The following PLEKHG3 variants were observed in gnomAD, a reference collection of about 807,000 sequenced individuals.
The protein encoded by PLEKHG3 is pleckstrin homology and RhoGEF domain containing G3.
PLEKHG3 carries 62 observed loss-of-function variants against 94.9 expected under a neutral mutation model. The ratio of observed to expected loss-of-function variants is 0.65; its 90% CI spans 0.53 to 0.81. The LOEUF is 0.81. PLEKHG3 is among the 30% of genes least tolerant of loss of function. The probability of loss-of-function intolerance (pLI) is 0.00; values close to 1 mark genes in which losing one functional copy is unlikely to be tolerated. For missense variants in PLEKHG3, 1,461 were observed against 1,619.3 expected (o/e 0.90, Z 1.68); for synonymous variants, 614 against 654.0 (o/e 0.94, Z 0.93).
chr14:64,719,183 G>A (rs1249533202), intron 1 of PLEKHG3, among the ~76,000 whole-genome samples: 1 of 152,178 alleles, frequency 6.6e-6, no homozygotes, highest in Non-Finnish European at 1.5e-5. Flanking sequence ...ATAAACACAC[G>A]GGTGGTGGGG....
In PLEKHG3 at chr14:64,715,128, G is replaced by A. The variant is rs11625500; in HGVS notation, c.-40+10424G>A. Among the ~76,000 whole-genome samples, 1 of 152,138 alleles carries A rather than the reference G, an allele frequency of 6.6e-6. No homozygotes were observed. The highest frequency in any genetic ancestry group is 1.5e-5 in the Non-Finnish European group (1 of 68,024). ...GTACTGTTTTTGGAGGCATCTACAG[G>A]TGAGTTATGAATTCCCAGGTGACTC... is the stretch of plus-strand genomic sequence containing the variant. On this transcript the variant is annotated intron_variant, in intron 1 of 16. Transcript: ENST00000247226. The surrounding 1 kb of genome is among the most constrained non-coding windows in gnomAD (Gnocchi z 4.4).
chr14:64,731,305 G>T lies in PLEKHG3; in HGVS notation c.850-56G>T, dbSNP rs1354461431. 1 of 1,520,136 alleles carries T rather than the reference G, an allele frequency of 6.6e-7. No individual in the cohort carries two copies. Among genetic ancestry groups the T allele is most frequent in the African/African-American group, 1.4e-5 (1 of 72,844 alleles). The allele number at this position is 1,520,136 out of a possible 1,614,324, so 94.2% of individuals were successfully genotyped here. A position where few individuals can be genotyped will look rare whatever the true frequency, so the allele number is the denominator to read the frequency against. Reference sequence around the variant, plus strand: ...GGGAGCCTTTGTGGCAGGGTTTGCAGAGCCTCCTAAGGCCCCAGTGGCCTG... The same window carrying T: ...GGGAGCCTTTGTGGCAGGGTTTGCATAGCCTCCTAAGGCCCCAGTGGCCTG... On this transcript the variant is annotated intron_variant, in intron 7 of 16. Coordinates refer to ENST00000247226, the MANE Select transcript of PLEKHG3 (RefSeq NM_001308147.2). This position sits in a 1 kb window ranked among gnomAD's most constrained non-coding sequence, Gnocchi z 6.1.
Position 64,741,872 on chromosome 14 carries a change from C to T in PLEKHG3, c.2355C>T (p.Ala785=), listed in dbSNP as rs2081703593. 1.9e-6 allele frequency: 3 copies of T among 1,612,822 alleles called. No individual in the cohort carries two copies. The highest frequency in any genetic ancestry group is 2.5e-6 in the Non-Finnish European group (3 of 1,179,642). The change falls in exon 16 of 17, where the codon GCC becomes GCT. Residue 785 remains alanine (A), a synonymous_variant. Transcript: ENST00000247226. ...RQVGSRPTSW[A]LFELPGPSQA... ...TGGGCTCCCGGCCGACTTCGTGGGC[C>T]CTGTTTGAGCTCCCAGGACCAAGCC... is the stretch of plus-strand genomic sequence containing the variant.
rs1307849466 is a variant in PLEKHG3 at position 64,716,637 on chromosome 14, C to A, written c.-39-10956C>A. On this transcript the variant is annotated intron_variant, in intron 1 of 16. Coordinates refer to ENST00000247226, the MANE Select transcript of PLEKHG3 (RefSeq NM_001308147.2). The surrounding 1 kb of genome is among the most constrained non-coding windows in gnomAD (Gnocchi z 5.0). Reference sequence around the variant, plus strand: ...GGTTGTTTTGGATCAAACCAAGCGTCAGCTGGTAGAGCAGTTGAAAGGAGG... The same window carrying A: ...GGTTGTTTTGGATCAAACCAAGCGTAAGCTGGTAGAGCAGTTGAAAGGAGG... 6.6e-6 allele frequency among the ~76,000 whole-genome samples: 1 copy of A among 151,990 alleles called. No homozygotes were observed. The highest frequency in any genetic ancestry group is 2.4e-5 in the African/African-American group (1 of 41,370).
At chr14:64,733,452 G>T (rs1247631748) in intron 12 of PLEKHG3, among the ~76,000 whole-genome samples, 2 of 152,116 alleles carry the variant, frequency 1.3e-5, no homozygotes, top group African/African-American at 4.8e-5. Flanking sequence ...ATAGGTGTGA[G>T]CCACTGTACC....
At chr14:64,714,449 T>G (rs1250667849) in intron 1 of PLEKHG3, among the ~76,000 whole-genome samples, 1 of 152,234 alleles carries the variant, frequency 6.6e-6, no homozygotes, top group Admixed American at 6.5e-5. Flanking sequence ...GTATTCTGTT[T>G]TCCCTCCTCT....
intron 12 of PLEKHG3, among the ~76,000 whole-genome samples, chr14:64,734,136 T>G (rs2081526415): frequency 6.6e-6 from 1 of 152,218 alleles, no homozygotes; most frequent in African/African-American, 2.4e-5. Flanking sequence ...AGAAGGCTTT[T>G]GTGGTTTTAT....
chr14:64,727,015 C>A lies in PLEKHG3; in HGVS notation c.-39-578C>A, dbSNP rs1339048197. On this transcript the variant is annotated intron_variant, in intron 1 of 16. Coordinates refer to ENST00000247226, the MANE Select transcript of PLEKHG3 (RefSeq NM_001308147.2). This position sits in a 1 kb window ranked among gnomAD's most constrained non-coding sequence, Gnocchi z 6.0. ...TTGGGAAGTTCTTCTTCACAACTGCCATTATTATCACCATATTGATGGTGT... is the reference window on the plus strand; with the variant it reads ...TTGGGAAGTTCTTCTTCACAACTGCAATTATTATCACCATATTGATGGTGT... Among the ~76,000 whole-genome samples, 1 of 152,158 alleles carries A rather than the reference C, an allele frequency of 6.6e-6. No individual in the cohort carries two copies. Among genetic ancestry groups the A allele is most frequent in the South Asian group, 2.1e-4 (1 of 4,830 alleles).
rs2081283785 is a variant in PLEKHG3 at position 64,722,696 on chromosome 14, A to G, written c.-39-4897A>G. On this transcript the variant is annotated intron_variant, in intron 1 of 16. Coordinates refer to ENST00000247226, the MANE Select transcript of PLEKHG3 (RefSeq NM_001308147.2). This position sits in a 1 kb window ranked among gnomAD's most constrained non-coding sequence, Gnocchi z 4.3. ...GTGAAGGGCAGTGGATGAAATGACGACATCAGCCTCTGAACCAGAATGTTT... is the reference window on the plus strand; with the variant it reads ...GTGAAGGGCAGTGGATGAAATGACGGCATCAGCCTCTGAACCAGAATGTTT... 6.6e-6 allele frequency among the ~76,000 whole-genome samples: 1 copy of G among 152,144 alleles called. No individual in the cohort carries two copies.
Position 64,742,295 on chromosome 14 carries a change from C to G in PLEKHG3, c.2778C>G (p.Val926=). ...TGAGCGAGCGCGTCAAGAACAAGGT[C>G]TACCAGCTGGCCCGCCAGTACAGCC... is the stretch of plus-strand genomic sequence containing the variant. The part of the protein sequence containing the change: ...SHVSERVKNK[V]YQLARQYSLR... The change falls in exon 16 of 17, where the codon GTC becomes GTG. Residue 926 remains valine (V), a synonymous_variant. Coordinates refer to ENST00000247226, the MANE Select transcript of PLEKHG3 (RefSeq NM_001308147.2). 2.5e-6 allele frequency: 4 copies of G among 1,612,872 alleles called. No individual in the cohort carries two copies. Among genetic ancestry groups the G allele is most frequent in the Non-Finnish European group, 3.4e-6 (4 of 1,180,036 alleles).
chr14:64,722,265 A>T lies in PLEKHG3; in HGVS notation c.-39-5328A>T, dbSNP rs2081275265. On this transcript the variant is annotated intron_variant, in intron 1 of 16. Transcript: ENST00000247226. The surrounding 1 kb of genome is among the most constrained non-coding windows in gnomAD (Gnocchi z 4.3). ...GTTTCGCTCTCATTGCCTAGGCTGG[A>T]GTGCAGTGGTGCGATCTCAGCTCAC... Among the ~76,000 whole-genome samples, 1 of 152,052 alleles carries T rather than the reference A, an allele frequency of 6.6e-6. No individual in the cohort carries two copies. The highest frequency in any genetic ancestry group is 2.1e-4 in the South Asian group (1 of 4,818).
chr14:64,736,692 G>A (rs552623359), intron 12 of PLEKHG3, among the ~76,000 whole-genome samples, 161 bp from the exon 13 acceptor site: 4 of 152,308 alleles, frequency 2.6e-5, no homozygotes, highest in South Asian at 2.1e-4. Flanking sequence ...GGGGCTCGCC[G>A]ACACTGTGGA....
chr14:64,727,872 C>T lies in PLEKHG3; in HGVS notation c.241C>T (p.Arg81Trp), dbSNP rs770616036. The change falls in exon 2 of 17, where the codon CGG becomes TGG. Residue 81 changes from arginine (R) to tryptophan (W), a missense_variant. Around this residue, in one of 3 missense-constraint regions of PLEKHG3, gnomAD observed 253 missense variants for 297.8 expected, o/e 0.85. Coordinates refer to ENST00000247226, the MANE Select transcript of PLEKHG3 (RefSeq NM_001308147.2). The surrounding 1 kb of genome is among the most constrained non-coding windows in gnomAD (Gnocchi z 6.0). The part of the protein sequence containing the change: ...VKGPLSPFNS[R>W]AAAGPAHHKL... Reference sequence around the variant, plus strand: ...GGGGCCCCTCTCCCCGTTCAACAGCCGGGCAGCGGCAGGGCCTGCACACCA... The same window carrying T: ...GGGGCCCCTCTCCCCGTTCAACAGCTGGGCAGCGGCAGGGCCTGCACACCA... 47 of 1,613,194 alleles carry T rather than the reference C, an allele frequency of 2.9e-5. No homozygotes were observed. The highest frequency in any genetic ancestry group is 3.3e-4 in the Middle Eastern group (2 of 6,080).
chr14:64,730,333 G>A lies in PLEKHG3; in HGVS notation c.519+21G>A. ...AAAGGGTAAGAAGGGCTGGGTCCTT[G>A]CCTCTGTCCTACCTTGCTGAGAGCT... On this transcript the variant is annotated intron_variant, in intron 4 of 16. Transcript: ENST00000247226. The surrounding 1 kb of genome is among the most constrained non-coding windows in gnomAD (Gnocchi z 5.4). 1 of 1,478,520 alleles carries A rather than the reference G, an allele frequency of 6.8e-7. No homozygotes were observed. The highest frequency in any genetic ancestry group is 1.4e-5 in the African/African-American group (1 of 72,006). 91.6% of individuals were successfully genotyped at this position (1,478,520 alleles called of 1,614,324 possible).
rs903525468 is a variant in PLEKHG3 at position 64,721,364 on chromosome 14, G to A, written c.-39-6229G>A. On this transcript the variant is annotated intron_variant, in intron 1 of 16. Transcript: ENST00000247226. The surrounding 1 kb of genome is among the most constrained non-coding windows in gnomAD (Gnocchi z 4.3). ...TTTCCTTTCCTTCCAAGGTCAGGCC[G>A]AGGGAACTTTCTGGACTTCAGTTGC... Among the ~76,000 whole-genome samples the A allele has an allele frequency of 2.6e-5, 4 of 152,138 alleles. No individual in the cohort carries two copies. The highest frequency in any genetic ancestry group is 2.1e-4 in the South Asian group (1 of 4,822).
intron 3 of PLEKHG3, 43 bp downstream of exon 3, chr14:64,729,136 G>C: frequency 2.2e-6 from 2 of 904,580 alleles, no homozygotes; most frequent in Non-Finnish European, 1.7e-6. Context: ...TGCCTGCGAG[G>C]CCCACCTCAG....
rs1423602910 is a variant in PLEKHG3, at chr14:64,739,337, T to TG, written c.1518+483dup. ...TAGAAGGAAAAGGGCACTGAGTGGT[T>TG]GATGGCGTGCCTAACACTGAGCAGC... On this transcript the variant is annotated intron_variant, in intron 15 of 16. Transcript: ENST00000247226. The surrounding 1 kb of genome is among the most constrained non-coding windows in gnomAD (Gnocchi z 4.1). Among the ~76,000 whole-genome samples, 1 of 152,212 alleles carries TG rather than the reference T, an allele frequency of 6.6e-6. No homozygotes were observed. Among genetic ancestry groups the TG allele is most frequent in the Non-Finnish European group, 1.5e-5 (1 of 68,036 alleles).
chr14:64,749,741 G>C lies in PLEKHG3; in HGVS notation c.*6038G>C. ...CCTGTCATGGAGACACCTCTGGAGG[G>C]GGCGCTGGGCAGAGGGCTGGCTCTG... On this transcript the variant is annotated 3_prime_UTR_variant, in exon 17 of 17. Transcript: ENST00000247226. This position sits in a 1 kb window ranked among gnomAD's most constrained non-coding sequence, Gnocchi z 4.7. The C allele has an allele frequency of 6.2e-7, 1 of 1,605,368 alleles. No individual in the cohort carries two copies. The highest frequency in any genetic ancestry group is 1.1e-5 in the South Asian group (1 of 90,014).
rs1188313695 is a variant in PLEKHG3, at chr14:64,720,613, A to G, written c.-39-6980A>G. On this transcript the variant is annotated intron_variant, in intron 1 of 16. Transcript: ENST00000247226. The surrounding 1 kb of genome is among the most constrained non-coding windows in gnomAD (Gnocchi z 4.1). ...TCCAGAAGAGATGCATGTACATATC[A>G]AGCCCCAAGACCAATGCTTTAAGTG... Among the ~76,000 whole-genome samples the G allele has an allele frequency of 6.6e-6, 1 of 152,234 alleles. No homozygotes were observed. The highest frequency in any genetic ancestry group is 1.5e-5 in the Non-Finnish European group (1 of 68,034).
Sources: gnomAD v4.1 joint callset for allele counts (sites outside exome capture counted in the v4.1 genomes callset) on GRCh38, gnomAD v4.1.1 for gene constraint, gnomAD v4.1.1 regional missense constraint, Gnocchi (gnomAD v3.1) non-coding constraint, MANE v1.5 for transcripts, NCBI Gene and HGNC (gene_info 2026-07-23, HGNC 2026-07-21) for gene names.